The following GABRG3 variants were observed in gnomAD, a reference collection of about 807,000 sequenced individuals.
GABRG3 encodes gamma-aminobutyric acid receptor subunit gamma-3.
A neutral mutation model predicts 48.8 loss-of-function variants in GABRG3; 25 were observed. The observed-to-expected ratio is 0.51, with a 90% CI of 0.37 to 0.72. The LOEUF is 0.72. GABRG3 is among the 30% of genes least tolerant of loss of function. The pLI, the probability that GABRG3 is intolerant of heterozygous loss-of-function variation, is 0.00. For missense variants in GABRG3, 394 were observed against 577.9 expected (o/e 0.68, Z 3.26); for synonymous variants, 227 against 217.6 (o/e 1.04, Z -0.38).
intron 3 of GABRG3, among the ~76,000 whole-genome samples, chr15:27,292,312 G>A (rs904418858): frequency 1.3e-5 from 2 of 151,892 alleles, no homozygotes; most frequent in Non-Finnish European, 2.9e-5. Context: ...ATAGCATTAG[G>A]AGAAATACCT....
intron 5 of GABRG3, among the ~76,000 whole-genome samples, chr15:27,440,121 C>T (rs572883405): frequency 6.0e-4 from 91 of 152,280 alleles, no homozygotes; most frequent in African/African-American, 2.0e-3. Flanking sequence ...TTTACAGGCA[C>T]CGGCCCTGCC....
At chr15:27,241,854 A>C (rs541406943) in intron 3 of GABRG3, among the ~76,000 whole-genome samples, 2 of 152,270 alleles carry the variant, frequency 1.3e-5, no homozygotes, top group African/African-American at 4.8e-5. Context: ...TAAAAGGTTC[A>C]CTTTTGACAA....
intron 5 of GABRG3, among the ~76,000 whole-genome samples, chr15:27,336,190 AAAAGAAAG>A (rs201866335): frequency 1.4e-5 from 2 of 146,174 alleles, no homozygotes; most frequent in Non-Finnish European, 3.0e-5. Flanking sequence ...AGTCAGTATG[AAAAGAAAG>A]AAAGAAAGAA....
At chr15:27,042,720 T>C (rs1483289683) in intron 3 of GABRG3, among the ~76,000 whole-genome samples, 1 of 152,210 alleles carries the variant, frequency 6.6e-6, no homozygotes, top group Non-Finnish European at 1.5e-5. Context: ...CCCTTGGGGC[T>C]ATGCCCTGGG....
At chr15:27,454,833 G>A (rs1054051031) in intron 5 of GABRG3, among the ~76,000 whole-genome samples, 18 of 152,286 alleles carry the variant, frequency 1.2e-4, no homozygotes, top group Admixed American at 1.1e-3. Flanking sequence ...CGTTGACAAA[G>A]TAGAAAACTG....
chr15:27,465,769 A>G (rs1889588998), intron 5 of GABRG3, among the ~76,000 whole-genome samples: 1 of 152,200 alleles, frequency 6.6e-6, no homozygotes, highest in African/African-American at 2.4e-5. Flanking sequence ...TCTGGAAAAG[A>G]CATTTTCCAT....
At chr15:27,428,927 A>T (rs1183390200) in intron 5 of GABRG3, among the ~76,000 whole-genome samples, 1 of 152,208 alleles carries the variant, frequency 6.6e-6, no homozygotes, top group Non-Finnish European at 1.5e-5. Flanking sequence ...AACCTCTCAG[A>T]GTTTACAATT....
chr15:27,066,403 G>C (rs1298523936), intron 3 of GABRG3, among the ~76,000 whole-genome samples: 1 of 152,170 alleles, frequency 6.6e-6, no homozygotes, highest in African/African-American at 2.4e-5. Flanking sequence ...TAGAAGACTG[G>C]CTGGTCCAAA....
At chr15:27,340,505 A>G (rs1894134318) in intron 5 of GABRG3, 1 of 152,488 alleles carries the variant, frequency 6.6e-6, no homozygotes. Context: ...TATGATCCAT[A>G]CTCTCCTCTC....
At chr15:27,307,222 C>T (rs554232384) in intron 3 of GABRG3, among the ~76,000 whole-genome samples, 3 of 129,858 alleles carry the variant, frequency 2.3e-5, no homozygotes, top group South Asian at 2.4e-4. Context: ...TATATATAAC[C>T]ATGTTTATAT....
chr15:27,523,424 A>G (rs1891203151), intron 7 of GABRG3, among the ~76,000 whole-genome samples: 1 of 151,784 alleles, frequency 6.6e-6, no homozygotes, highest in Non-Finnish European at 1.5e-5. Context: ...TGTTGTAAAT[A>G]TGACTACTTT....
At chr15:27,306,397 T>C (rs908878396) in intron 3 of GABRG3, among the ~76,000 whole-genome samples, 15 of 138,040 alleles carry the variant, frequency 1.1e-4, no homozygotes, top group African/African-American at 4.0e-4. Flanking sequence ...CATGTAAACA[T>C]ATATATAATA....
chr15:27,480,731 A>G lies in GABRG3; in HGVS notation c.656A>G (p.Tyr219Cys). 1 of 1,613,342 alleles carries G rather than the reference A, an allele frequency of 6.2e-7. No individual in the cohort carries two copies. Among genetic ancestry groups the G allele is most frequent in the Non-Finnish European group, 8.5e-7 (1 of 1,179,598 alleles). Reference protein sequence around the residue: ...EAADQKSWRLYQFDFMGLRNT... With the variant: ...EAADQKSWRLCQFDFMGLRNT... The stretch of plus-strand genomic sequence containing the variant: ...GCTGACCAGAAATCATGGCGGCTTT[A>G]TCAGTTTGACTTCATGGGCCTCAGA... Residue 219 changes from tyrosine (Y) to cysteine (C), a missense_variant, in exon 6 of 10, where the codon TAT becomes TGT. Tyr to Cys is a radical substitution (Grantham distance 194, BLOSUM62 -2). This residue lies in a region of GABRG3 where 218 missense variants were observed against 309.9 expected (regional missense o/e 0.70). Transcript: ENST00000615808.
intron 3 of GABRG3, among the ~76,000 whole-genome samples, chr15:27,044,671 T>TAGAATC (rs1896332891): frequency 2.0e-5 from 3 of 152,340 alleles, no homozygotes; most frequent in Admixed American, 2.0e-4. Flanking sequence ...GGGCAGGCCC[T>TAGAATC]AGAATCAGAA....
intron 2 of GABRG3, among the ~76,000 whole-genome samples, chr15:27,018,999 T>G (rs1238240755): frequency 6.7e-6 from 1 of 149,454 alleles, no homozygotes; most frequent in East Asian, 2.0e-4. Context: ...ACGATAATCA[T>G]GATGATGATG....
chr15:26,995,561 GAT>G (rs1290682025), intron 2 of GABRG3, among the ~76,000 whole-genome samples: 3 of 149,920 alleles, frequency 2.0e-5, no homozygotes, highest in Admixed American at 6.6e-5. Flanking sequence ...TTGTTAAGTG[GAT>G]ATTTTCTAGT....
In GABRG3 at chr15:27,006,715, C is replaced by T. The variant is rs548367340; in HGVS notation, c.203-20039C>T. 8.5e-5 allele frequency among the ~76,000 whole-genome samples: 13 copies of T among 152,260 alleles called. No homozygotes were observed. In the South Asian group the frequency reaches 1.5e-3, roughly 17 times the overall value. On this transcript the variant is annotated intron_variant, in intron 2 of 9. Coordinates refer to ENST00000615808, the MANE Select transcript of GABRG3 (RefSeq NM_033223.5). ...GTTCCTTTCTATTTGTCTGTGTGTACTCAGTGTTTGGCTCCTCACTTGTAA... is the reference window on the plus strand; with the variant it reads ...GTTCCTTTCTATTTGTCTGTGTGTATTCAGTGTTTGGCTCCTCACTTGTAA...
At chr15:27,350,502 G>A (rs961643446) in intron 5 of GABRG3, 4 of 252,838 alleles carry the variant, frequency 1.6e-5, no homozygotes, top group Non-Finnish European at 1.6e-5. Flanking sequence ...GGAGTTCGCA[G>A]TGCAGTTGCA....
intron 2 of GABRG3, among the ~76,000 whole-genome samples, chr15:26,977,432 A>G (rs1267068036): frequency 6.6e-6 from 1 of 152,212 alleles, no homozygotes; most frequent in Non-Finnish European, 1.5e-5. Context: ...TGGATCTCGT[A>G]TCACCTCTTG....
Sources: allele counts gnomAD v4.1 joint callset (sites outside exome capture counted in the v4.1 genomes callset), GRCh38; gene constraint gnomAD v4.1.1; regional missense constraint gnomAD v4.1.1; transcripts MANE v1.5; gene names NCBI Gene and HGNC (gene_info 2026-07-23, HGNC 2026-07-21).